PCDH11Y: variants seen among roughly 807,000 people sequenced by gnomAD.
The protein encoded by PCDH11Y is protocadherin 11 Y-linked, also known as protocadherin-11 Y-linked.
For synonymous variants in PCDH11Y, 9 were observed against 83.6 expected (o/e 0.11, Z 4.87); for missense variants, 12 against 224.8 (o/e 0.05, Z 6.05).
intron 4 of PCDH11Y, among the ~76,000 whole-genome samples, chrY:5,583,706 T>C: frequency 4.2e-5 from 1 of 24,049 alleles, no homozygotes; most frequent in Non-Finnish European, 9.7e-5. Flanking sequence ...ATTTTGGATA[T>C]GAAATCAATA....
intron 3 of PCDH11Y, among the ~76,000 whole-genome samples, chrY:5,556,957 G>A: frequency 3.0e-5 from 1 of 33,077 alleles, no homozygotes; most frequent in South Asian, 6.7e-4. Context: ...CTTTGTTGAA[G>A]ATAAGATGGT....
chrY:5,221,117 A>G (rs1602888842), intron 2 of PCDH11Y, among the ~76,000 whole-genome samples: 1 of 6,448 alleles, frequency 1.6e-4, no homozygotes, highest in East Asian at 3.7e-3. Context: ...CCCTTAAACA[A>G]CACAGGTTTG....
At chrY:5,515,418 C>A in intron 3 of PCDH11Y, among the ~76,000 whole-genome samples, 1 of 32,651 alleles carries the variant, frequency 3.1e-5, no homozygotes, top group Non-Finnish European at 7.5e-5. Context: ...AACTCTGTAA[C>A]CTAGGTGACA....
chrY:5,541,636 G>T (rs2124692924), intron 3 of PCDH11Y, among the ~76,000 whole-genome samples: 1 of 32,350 alleles, frequency 3.1e-5, no homozygotes, highest in South Asian at 7.0e-4. Flanking sequence ...TGGTTGAATG[G>T]CTAGCACTCC....
At chrY:5,162,994 A>G in intron 2 of PCDH11Y, among the ~76,000 whole-genome samples, 1 of 31,614 alleles carries the variant, frequency 3.2e-5, no homozygotes, top group Non-Finnish European at 7.7e-5. Flanking sequence ...CAAGTCAAGA[A>G]GGTTAATGAA....
At chrY:5,398,460 A>G in intron 2 of PCDH11Y, among the ~76,000 whole-genome samples, 1 of 32,459 alleles carries the variant, frequency 3.1e-5, no homozygotes, top group Non-Finnish European at 7.5e-5. Context: ...GTTCTTTACT[A>G]CGCTTTGGAG....
chrY:5,028,828 C>A, intron 1 of PCDH11Y, among the ~76,000 whole-genome samples: 1 of 32,360 alleles, frequency 3.1e-5, no homozygotes, highest in African/African-American at 1.2e-4. Flanking sequence ...ACTAAGGCAG[C>A]AACTGGAATT....
At chrY:5,392,141 C>T (rs2053221844) in intron 2 of PCDH11Y, among the ~76,000 whole-genome samples, 3 of 32,478 alleles carry the variant, frequency 9.2e-5, no homozygotes, top group African/African-American at 3.6e-4. Flanking sequence ...GAGGCCGAGA[C>T]GGGCGGATCA....
intron 3 of PCDH11Y, among the ~76,000 whole-genome samples, chrY:5,047,575 T>C: frequency 3.0e-5 from 1 of 33,691 alleles, no homozygotes; most frequent in Non-Finnish European, 7.4e-5. Context: ...AGTTAAAATG[T>C]ATTAAGACAC....
intron 2 of PCDH11Y, among the ~76,000 whole-genome samples, chrY:5,335,068 C>T: frequency 1.8e-4 from 6 of 32,509 alleles, no homozygotes; most frequent in Admixed American, 1.7e-3. Flanking sequence ...CAAGGGGGGG[C>T]AGAGGAAAAA....
chrY:5,024,607 A>G, intron 1 of PCDH11Y, among the ~76,000 whole-genome samples: 1 of 33,185 alleles, frequency 3.0e-5, no homozygotes, highest in Non-Finnish European at 7.5e-5. Flanking sequence ...TTTTTCTAAT[A>G]AGATAGGCAT....
chrY:5,472,956 A>G (rs2053315481), intron 2 of PCDH11Y, among the ~76,000 whole-genome samples: 1 of 33,263 alleles, frequency 3.0e-5, no homozygotes, highest in South Asian at 6.5e-4. Context: ...GTCATAACAC[A>G]TCAGCTCTTT....
chrY:5,307,297 A>G (rs2053091702), intron 2 of PCDH11Y, among the ~76,000 whole-genome samples: 1 of 32,908 alleles, frequency 3.0e-5, no homozygotes, highest in South Asian at 6.7e-4. Context: ...AAATTTCATT[A>G]AGTTTGTTAA....
intron 4 of PCDH11Y, among the ~76,000 whole-genome samples, chrY:5,629,801 T>C: frequency 6.1e-5 from 2 of 32,930 alleles, no homozygotes; most frequent in Admixed American, 5.6e-4. Flanking sequence ...GGGATTCAGG[T>C]TTTGGGGTGG....
chrY:5,316,102 A>C (rs2124665105), intron 2 of PCDH11Y, among the ~76,000 whole-genome samples: 8 of 33,621 alleles, frequency 2.4e-4, no homozygotes, highest in Admixed American at 1.1e-3. Flanking sequence ...TCCTGAGAAC[A>C]TGTGCCCAAG....
chrY:5,330,888 T>C (rs2053130475), intron 2 of PCDH11Y, among the ~76,000 whole-genome samples: 1 of 33,962 alleles, frequency 2.9e-5, no homozygotes, highest in African/African-American at 1.1e-4. Flanking sequence ...CTATGTTTAC[T>C]CAGACGTTTT....
intron 2 of PCDH11Y, among the ~76,000 whole-genome samples, chrY:5,211,301 A>G: frequency 3.7e-5 from 1 of 27,309 alleles, no homozygotes; most frequent in African/African-American, 1.4e-4. Context: ...CACTCATGTG[A>G]TTAGATTGGG....
intron 3 of PCDH11Y, among the ~76,000 whole-genome samples, chrY:5,532,325 T>C (rs2053394280): frequency 3.3e-5 from 1 of 30,311 alleles, no homozygotes; most frequent in African/African-American, 1.3e-4. Flanking sequence ...TGTCTACTTC[T>C]GATATTAATA....
chrY:5,415,609 T>C, intron 2 of PCDH11Y, among the ~76,000 whole-genome samples: 2 of 28,275 alleles, frequency 7.1e-5, no homozygotes, highest in Non-Finnish European at 1.7e-4. Flanking sequence ...ACTGGTCTCC[T>C]GGGCAAGATT....
Sources: gnomAD v4.1 joint callset for allele counts (sites outside exome capture counted in the v4.1 genomes callset) on GRCh38, gnomAD v4.1.1 for gene constraint, MANE v1.5 for transcripts, NCBI Gene and HGNC (gene_info 2026-07-23, HGNC 2026-07-21) for gene names.